The following TPD52 variants were observed in gnomAD, a reference collection of about 807,000 sequenced individuals.
TPD52 encodes tumor protein D52.
Under a neutral mutation model 31.3 loss-of-function variants are expected in TPD52, and 17 were observed. The observed-to-expected ratio is 0.54, with a 90% confidence interval of 0.37 to 0.82. The LOEUF (loss-of-function observed/expected upper bound fraction) is 0.82, where lower values mean the gene tolerates loss of function less well. Ranked by LOEUF, TPD52 falls within the 40% of genes least tolerant of loss-of-function variation. The probability of loss-of-function intolerance (pLI) is 0.00; values close to 1 mark genes in which losing one functional copy is unlikely to be tolerated. For synonymous variants in TPD52, 83 were observed against 89.6 expected, an observed-to-expected ratio of 0.93 and a Z score of 0.42; for missense variants, 212 against 240.1, an observed-to-expected ratio of 0.88 and a Z score of 0.77.
At chr8:80,066,943 T>A (rs561398617) in intron 1 of TPD52, 1 of 152,312 alleles carries the variant, frequency 6.6e-6, no homozygotes, top group South Asian at 2.1e-4. Flanking sequence ...ACTCCCAGGT[T>A]CTCCAACTAC....
rs770923162 is a variant in TPD52 at position 80,139,858 on chromosome 8, C to T, written c.19+31567G>A. Among the ~76,000 whole-genome samples, 5 of 152,204 alleles carry T rather than the reference C, an allele frequency of 3.3e-5. No homozygotes were observed. The South Asian group carries it at 6.2e-4, about 19-fold the overall frequency. On this transcript the variant is annotated intron_variant, in intron 1 of 7. Transcript: ENST00000518937. ...ATTTACAAATGGGGAGCCTGATGTT[C>T]GGGGGATGGATGCCTGACTCCCAGT... is the stretch of plus-strand genomic sequence containing the variant.
chr8:80,095,475 T>C (rs1055935458), intron 1 of TPD52, among the ~76,000 whole-genome samples: 1 of 152,278 alleles, frequency 6.6e-6, no homozygotes, highest in East Asian at 1.9e-4. Context: ...TCAAAATCCA[T>C]TGAACTGGAC....
At chr8:80,119,189 T>C (rs2131018695) in intron 1 of TPD52, among the ~76,000 whole-genome samples, 1 of 152,256 alleles carries the variant, frequency 6.6e-6, no homozygotes, top group South Asian at 2.1e-4. Context: ...TATAAACCCA[T>C]TTATATGACA....
At chr8:80,117,168 G>A (rs1433097179) in intron 1 of TPD52, among the ~76,000 whole-genome samples, 2 of 152,076 alleles carry the variant, frequency 1.3e-5, no homozygotes, top group Non-Finnish European at 2.9e-5. Flanking sequence ...CAAGAAAAAG[G>A]ACTAAAAGGC....
At chr8:80,034,120 G>A (rs879795335), downstream of TPD52, among the ~76,000 whole-genome samples, 34 of 152,160 alleles carry the variant, frequency 2.2e-4, no homozygotes, top group Admixed American at 1.3e-4. Context: ...GGAGGGGGCC[G>A]AGGTAGCAGG....
At chr8:80,088,937 C>T (rs1350102133) in intron 1 of TPD52, among the ~76,000 whole-genome samples, 8 of 152,126 alleles carry the variant, frequency 5.3e-5, no homozygotes, top group African/African-American at 1.4e-4. Flanking sequence ...CCTCGTGATC[C>T]GCCCGCCTCG....
intron 1 of TPD52, among the ~76,000 whole-genome samples, chr8:80,127,110 C>CA (rs111448600): frequency 0.02 from 2,693 of 134,076 alleles, 77 homozygotes; most frequent in African/African-American, 0.063. Flanking sequence ...GATGATGTCT[C>CA]AAAAAAAAAA....
chr8:80,060,218 G>C (rs1390914273), intron 2 of TPD52, among the ~76,000 whole-genome samples: 1 of 144,536 alleles, frequency 6.9e-6, no homozygotes, highest in Non-Finnish European at 1.5e-5. Flanking sequence ...TAACCTTATA[G>C]AAACAGAAAG....
At chr8:80,144,435 T>G (rs1241203227) in intron 1 of TPD52, among the ~76,000 whole-genome samples, 1 of 152,212 alleles carries the variant, frequency 6.6e-6, no homozygotes, top group Non-Finnish European at 1.5e-5. Flanking sequence ...CACTTCCAGC[T>G]GAGGTTAAAT....
chr8:80,033,636 C>G (rs1017299830), downstream of TPD52, among the ~76,000 whole-genome samples: 1 of 152,154 alleles, frequency 6.6e-6, no homozygotes, highest in African/African-American at 2.4e-5. Flanking sequence ...CGCTGTTCAG[C>G]AGGTCCTGAG....
At chr8:80,070,983 CAG>C (rs750540635) in intron 1 of TPD52, among the ~76,000 whole-genome samples, 1 of 152,120 alleles carries the variant, frequency 6.6e-6, no homozygotes, top group Non-Finnish European at 1.5e-5. Context: ...CGCAGAGACT[CAG>C]AGAAGAGATT....
At chr8:80,165,324 C>T (rs1483535569) in intron 1 of TPD52, among the ~76,000 whole-genome samples, 1 of 152,224 alleles carries the variant, frequency 6.6e-6, no homozygotes, top group Non-Finnish European at 1.5e-5. Context: ...TGAACAGCCA[C>T]ATTCTTCTAA....
At chr8:80,094,452 A>ATATT (rs1230411377) in intron 1 of TPD52, among the ~76,000 whole-genome samples, 10 of 69,474 alleles carry the variant, frequency 1.4e-4, no homozygotes, top group African/African-American at 7.3e-4. Flanking sequence ...ATATATATAT[A>ATATT]TATATATATA....
chr8:80,124,240 A>G (rs1383846234), intron 1 of TPD52, among the ~76,000 whole-genome samples: 1 of 151,522 alleles, frequency 6.6e-6, no homozygotes, highest in Non-Finnish European at 1.5e-5. Flanking sequence ...ATCTTTGCTC[A>G]CTGCAATCTC....
In TPD52 at chr8:80,064,310, C is replaced by T. The variant is rs566095951; in HGVS notation, c.135+168G>A. Among the ~76,000 whole-genome samples the T allele has an allele frequency of 3.3e-5, 5 of 152,214 alleles. No homozygotes were observed. In the East Asian group the frequency reaches 7.7e-4, roughly 23 times the overall value. On this transcript the variant is annotated intron_variant, in intron 2 of 7. Coordinates refer to ENST00000518937, the MANE Select transcript of TPD52 (RefSeq NM_001025253.3). ...TTCTCATATAAAAACGAACCGATGT[C>T]ACCCTCTTCTATCTCCTCTCCCCTA...
chr8:80,065,244 G>T (rs1586201850), intron 1 of TPD52, among the ~76,000 whole-genome samples: 1 of 147,352 alleles, frequency 6.8e-6, no homozygotes, highest in South Asian at 2.2e-4. Context: ...TATATATGAT[G>T]ATATAGATGA....
At chr8:80,115,983 A>G (rs1215022917) in intron 1 of TPD52, among the ~76,000 whole-genome samples, 1 of 152,244 alleles carries the variant, frequency 6.6e-6, no homozygotes, top group African/African-American at 2.4e-5. Flanking sequence ...TAAAAGACAA[A>G]GAAGTAAAGG....
At chr8:80,168,599 TC>T (rs1811866328) in intron 1 of TPD52, among the ~76,000 whole-genome samples, 1 of 152,206 alleles carries the variant, frequency 6.6e-6, no homozygotes, top group South Asian at 2.1e-4. Flanking sequence ...AGGTTTAAAA[TC>T]CCAGGTTGTG....
intron 1 of TPD52, among the ~76,000 whole-genome samples, chr8:80,076,676 T>TTTTGTTTG (rs36008886): frequency 4.0e-5 from 6 of 150,882 alleles, no homozygotes; most frequent in East Asian, 2.0e-4. Flanking sequence ...TAAAAGGGTT[T>TTTTGTTTG]TTTGTTTGTT....
Sources: gnomAD v4.1 joint callset for allele counts (sites outside exome capture counted in the v4.1 genomes callset) on GRCh38, gnomAD v4.1.1 for gene constraint, MANE v1.5 for transcripts, NCBI Gene and HGNC (gene_info 2026-07-23, HGNC 2026-07-21) for gene names.